The following ERBIN variants were observed in gnomAD, a reference collection of about 807,000 sequenced individuals.
ERBIN encodes the protein erbb2 interacting protein, also known as densin-180-like protein.
A neutral mutation model predicts 158.4 loss-of-function variants in ERBIN; 60 were observed. The ratio of observed to expected loss-of-function variants is 0.38; its 90% CI spans 0.31 to 0.47. The LOEUF is 0.47. Among genes scored for constraint, ERBIN ranks in the 20% least tolerant of loss-of-function variants. The pLI, the probability that ERBIN is intolerant of heterozygous loss-of-function variation, is 0.99. For synonymous variants in ERBIN, 594 were observed against 557.2 expected (o/e 1.07, Z -0.93); for missense variants, 1,610 against 1,648.0 (o/e 0.98, Z 0.40).
At chr5:66,066,449 A>C (rs1760997397) in intron 21 of ERBIN, among the ~76,000 whole-genome samples, 1 of 152,050 alleles carries the variant, frequency 6.6e-6, no homozygotes, top group South Asian at 2.1e-4. Flanking sequence ...AGTTAGTAGT[A>C]ATAATCTATT....
At chr5:66,006,230 A>G (rs966684390) in intron 4 of ERBIN, among the ~76,000 whole-genome samples, 7 of 152,242 alleles carry the variant, frequency 4.6e-5, no homozygotes, top group African/African-American at 1.7e-4. Context: ...GCCCTCAGAA[A>G]TAATGCCACA....
At chr5:65,958,491 C>G (rs1003670110) in intron 1 of ERBIN, among the ~76,000 whole-genome samples, 2 of 152,142 alleles carry the variant, frequency 1.3e-5, no homozygotes, top group Non-Finnish European at 2.9e-5. Context: ...CGGGGCGGTG[C>G]GCGCCTGCAA....
intron 1 of ERBIN, among the ~76,000 whole-genome samples, chr5:65,973,031 T>G (rs915409035): frequency 6.6e-6 from 1 of 151,312 alleles, no homozygotes; most frequent in African/African-American, 2.5e-5. Context: ...AAATTCACCT[T>G]AAGAAATTAG....
chr5:65,948,492 T>G (rs1222740731), intron 1 of ERBIN, among the ~76,000 whole-genome samples: 1 of 151,986 alleles, frequency 6.6e-6, no homozygotes, highest in Non-Finnish European at 1.5e-5. Flanking sequence ...TTTTTTCTAT[T>G]TAAATAATAA....
At chr5:65,956,007 A>G (rs1319613533) in intron 1 of ERBIN, among the ~76,000 whole-genome samples, 4 of 152,234 alleles carry the variant, frequency 2.6e-5, no homozygotes, top group East Asian at 1.9e-4. Context: ...TAGAGCAACA[A>G]TACATGGTGT....
At chr5:65,964,519 T>C (rs1038521280) in intron 1 of ERBIN, among the ~76,000 whole-genome samples, 9 of 152,204 alleles carry the variant, frequency 5.9e-5, no homozygotes, top group Non-Finnish European at 1.3e-4. Flanking sequence ...TGTATAAGAT[T>C]ACTGAAATTC....
chr5:66,036,744 T>C (rs1207311707), intron 14 of ERBIN, among the ~76,000 whole-genome samples: 3 of 152,208 alleles, frequency 2.0e-5, no homozygotes, highest in African/African-American at 7.2e-5. Flanking sequence ...TCTTAGGAAA[T>C]ATTCATTGAA....
intron 7 of ERBIN, among the ~76,000 whole-genome samples, chr5:66,018,499 A>ATATATATTATATAATATATAT: frequency 1.5e-4 from 1 of 6,454 alleles, no homozygotes; most frequent in Non-Finnish European, 2.7e-4. Context: ...ATATTATATA[A>ATATATATTATATAATATATAT]TATATATTAT....
At chr5:65,984,914 C>A (rs1276698967) in intron 1 of ERBIN, 3 of 150,314 alleles carry the variant, frequency 2.0e-5, no homozygotes, top group African/African-American at 7.4e-5. Flanking sequence ...AAAAAAAAAA[C>A]CTTTATATTG....
At chr5:66,052,104 G>A (rs1179065003) in intron 20 of ERBIN, among the ~76,000 whole-genome samples, 10 of 151,786 alleles carry the variant, frequency 6.6e-5, no homozygotes. Flanking sequence ...GGCCAAGGTG[G>A]GAGGTTAACT....
At chr5:65,977,239 CG>C (rs1302377290) in intron 1 of ERBIN, among the ~76,000 whole-genome samples, 1 of 143,072 alleles carries the variant, frequency 7.0e-6, no homozygotes, top group African/African-American at 2.8e-5. Flanking sequence ...GCTGGCCGGG[CG>C]GGGGGCTGAC....
At chr5:66,047,544 A>C (rs1411836173) in intron 18 of ERBIN, among the ~76,000 whole-genome samples, 1 of 152,056 alleles carries the variant, frequency 6.6e-6, no homozygotes, top group Admixed American at 6.6e-5. Context: ...GTGAAGCTGT[A>C]ACTTTTTAAT....
At chr5:66,036,093 TAAAAAG>T (rs991039252) in intron 14 of ERBIN, among the ~76,000 whole-genome samples, 5 of 152,138 alleles carry the variant, frequency 3.3e-5, no homozygotes, top group African/African-American at 1.2e-4. Flanking sequence ...AAGATTCTCT[TAAAAAG>T]AAAAGAAAAA....
At chr5:65,932,368 G>A (rs1383615993) in intron 1 of ERBIN, among the ~76,000 whole-genome samples, 2 of 151,578 alleles carry the variant, frequency 1.3e-5, no homozygotes, top group East Asian at 3.9e-4. Context: ...ACATAAACCT[G>A]GGAATATGTA....
intron 7 of ERBIN, among the ~76,000 whole-genome samples, chr5:66,020,989 A>G (rs1315749290): frequency 1.3e-5 from 2 of 151,964 alleles, no homozygotes; most frequent in Non-Finnish European, 2.9e-5. Flanking sequence ...GCCAACATTT[A>G]TTAGCTGACT....
rs140834131 is a variant in ERBIN at position 66,034,569 on chromosome 5, G to A, written c.1207-3814G>A. Among the ~76,000 whole-genome samples, 993 of 151,190 alleles carry A rather than the reference G, an allele frequency of 6.6e-3. 9 individuals are homozygous for A. The highest frequency in any genetic ancestry group is 0.023 in the African/African-American group (950 of 41,182). On this transcript the variant is annotated intron_variant, in intron 14 of 25. Transcript: ENST00000284037. ...CCCAAAGTGCTGGGATTACAGGCGT[G>A]AGCCACCAAGCACAACCTCATAGCT... is the stretch of plus-strand genomic sequence containing the variant.
At chr5:65,997,259 T>C (rs1752538682) in intron 4 of ERBIN, among the ~76,000 whole-genome samples, 1 of 152,196 alleles carries the variant, frequency 6.6e-6, no homozygotes, top group African/African-American at 2.4e-5. Context: ...ATATGGCCTT[T>C]ATTGTGTTGA....
At chr5:66,041,401 G>A (rs1757906838) in intron 15 of ERBIN, among the ~76,000 whole-genome samples, 1 of 151,940 alleles carries the variant, frequency 6.6e-6, no homozygotes, top group South Asian at 2.1e-4. Flanking sequence ...ATCCCACATT[G>A]ACATCATTCA....
chr5:66,012,110 T>C lies in ERBIN; in HGVS notation c.369T>C (p.Ser123=). The change falls in exon 5 of 26, where the codon AGT becomes AGC. Residue 123 remains serine (S), a synonymous_variant. Transcript: ENST00000284037. ...AAGTTTTGACAATTGTGGAGGCCAG[T>C]GTAAACCCTATTTCCAAGTAAGTTC... ...NCKVLTIVEA[S]VNPISKLPDG... is the part of the protein sequence containing the mutation. The C allele has an allele frequency of 1.2e-6, 2 of 1,600,388 alleles. No individual in the cohort carries two copies. The highest frequency in any genetic ancestry group is 1.7e-6 in the Non-Finnish European group (2 of 1,172,594).
Sources: allele counts gnomAD v4.1 joint callset (sites outside exome capture counted in the v4.1 genomes callset), GRCh38; gene constraint gnomAD v4.1.1; transcripts MANE v1.5; gene names NCBI Gene and HGNC (gene_info 2026-07-23, HGNC 2026-07-21).